Variants in ZRANB3 observed in about 807,000 individuals in gnomAD.
The protein encoded by ZRANB3 is DNA annealing helicase and endonuclease ZRANB3.
In ZRANB3, 125 loss-of-function variants were observed where a neutral mutation model predicts 133.8. That is an observed-to-expected ratio of 0.93 (90% CI 0.81 to 1.08). The LOEUF is 1.08. Among genes scored for constraint, ZRANB3 ranks in the 50% least tolerant of loss-of-function variants. The pLI, the probability that ZRANB3 is intolerant of heterozygous loss-of-function variation, is 0.00. For missense variants in ZRANB3, 1,229 were observed against 1,275.5 expected, an observed-to-expected ratio of 0.96 and a Z score of 0.56; for synonymous variants, 387 against 432.7, an observed-to-expected ratio of 0.89 and a Z score of 1.31.
chr2:135,356,748 C>A (rs1201537804), intron 3 of ZRANB3, among the ~76,000 whole-genome samples: 1 of 152,168 alleles, frequency 6.6e-6, no homozygotes, highest in Non-Finnish European at 1.5e-5. Context: ...TAGGGTCTTG[C>A]TGTGGCTGGA....
chr2:135,298,951 C>T (rs6751267), intron 8 of ZRANB3, among the ~76,000 whole-genome samples: 9,344 of 152,050 alleles, frequency 0.061, 570 homozygotes, highest in African/African-American at 0.16. Flanking sequence ...GGCCTCCAGC[C>T]AGGAGGGGGT....
intron 1 of ZRANB3, among the ~76,000 whole-genome samples, chr2:135,505,210 G>T (rs1020864574): frequency 6.6e-6 from 1 of 151,924 alleles, no homozygotes; most frequent in Non-Finnish European, 1.5e-5. Context: ...ACACTATAAT[G>T]CCTATCAAAT....
rs115342369 is a variant in ZRANB3, at chr2:135,477,931, T to A, written c.161+26398A>T. Among the ~76,000 whole-genome samples, 481 of 152,058 alleles carry A rather than the reference T, an allele frequency of 3.2e-3. 2 individuals carry two copies. Among genetic ancestry groups the A allele is most frequent in the African/African-American group, 0.01 (425 of 41,490 alleles). On this transcript the variant is annotated intron_variant, in intron 2 of 20. Transcript: ENST00000264159. ...TTGAGCCCTAGAGGTGAAGGTTGCATTGAGCCATGATCATGCCACCACACT... is the reference window on the plus strand; with the variant it reads ...TTGAGCCCTAGAGGTGAAGGTTGCAATGAGCCATGATCATGCCACCACACT...
At position 135,345,270 on chromosome 2, in the gene ZRANB3, A is replaced by G. The variant is rs1447005352; in HGVS notation, c.677+280T>C. The G allele has an allele frequency of 2.3e-5, 6 of 260,302 alleles. No homozygotes were observed. In the East Asian group the frequency reaches 4.9e-4, roughly 21 times the overall value. 16.1% of individuals were successfully genotyped at this position (260,302 alleles called of 1,614,324 possible). A position where few individuals can be genotyped will look rare whatever the true frequency, so the allele number is the denominator to read the frequency against. ...AACCTGAGGTCAGGAGTTCAAGACCAGCCTGACCAACATGGTGAAACCCCA... is the reference window on the plus strand; with the variant it reads ...AACCTGAGGTCAGGAGTTCAAGACCGGCCTGACCAACATGGTGAAACCCCA... On this transcript the variant is annotated intron_variant, in intron 6 of 20. Coordinates refer to ENST00000264159, the MANE Select transcript of ZRANB3 (RefSeq NM_032143.4).
At chr2:135,270,839 A>T (rs897721735) in intron 10 of ZRANB3, among the ~76,000 whole-genome samples, 1 of 152,230 alleles carries the variant, frequency 6.6e-6, no homozygotes, top group African/African-American at 2.4e-5. Context: ...CCCTATGTTA[A>T]ATATCCTAGC....
At chr2:135,498,583 G>A (rs545271787) in intron 2 of ZRANB3, among the ~76,000 whole-genome samples, 6 of 152,240 alleles carry the variant, frequency 3.9e-5, no homozygotes, top group South Asian at 2.1e-4. Context: ...GGATAACAGC[G>A]ATGTTCAGGG....
Position 135,200,340 on chromosome 2 carries a change from C to G in ZRANB3, c.*2G>C, listed in dbSNP as rs1693567895. ...TGTCATTCATTCATATATTTTTCTA[C>G]TTTACTTCTTTACCAAAAATCGTGT... On this transcript the variant is annotated 3_prime_UTR_variant, in exon 21 of 21. Coordinates refer to ENST00000264159, the MANE Select transcript of ZRANB3 (RefSeq NM_032143.4). 9 of 1,583,808 alleles carry G rather than the reference C, an allele frequency of 5.7e-6. No homozygotes were observed. Among genetic ancestry groups the G allele is most frequent in the Non-Finnish European group, 7.7e-6 (9 of 1,163,018 alleles).
intron 3 of ZRANB3, among the ~76,000 whole-genome samples, chr2:135,380,193 A>C (rs1179813564): frequency 6.6e-6 from 1 of 152,116 alleles, no homozygotes; most frequent in Non-Finnish European, 1.5e-5. Context: ...AGAGACTTAG[A>C]CTCCCACAAA....
At chr2:135,293,991 G>A (rs1459255020) in intron 8 of ZRANB3, among the ~76,000 whole-genome samples, 16 of 152,036 alleles carry the variant, frequency 1.1e-4, no homozygotes, top group South Asian at 8.3e-4. Flanking sequence ...TGCTGGATTC[G>A]GTTTGCCAGT....
chr2:135,273,050 G>C (rs2105122505), intron 9 of ZRANB3, among the ~76,000 whole-genome samples: 1 of 151,960 alleles, frequency 6.6e-6, no homozygotes, highest in East Asian at 1.9e-4. Context: ...GCTGGACGTG[G>C]TGGCGGGCGC....
At chr2:135,234,260 C>A (rs917079752) in intron 12 of ZRANB3, among the ~76,000 whole-genome samples, 3 of 152,038 alleles carry the variant, frequency 2.0e-5, no homozygotes, top group Admixed American at 6.6e-5. Context: ...TAAATATATA[C>A]GCACCCAATA....
At chr2:135,337,557 T>C (rs993840265) in intron 6 of ZRANB3, among the ~76,000 whole-genome samples, 1 of 152,194 alleles carries the variant, frequency 6.6e-6, no homozygotes, top group Non-Finnish European at 1.5e-5. Context: ...AAAATCATTA[T>C]AGTCATTTCC....
At chr2:135,523,106 C>A (rs1317026426) in intron 1 of ZRANB3, among the ~76,000 whole-genome samples, 1 of 152,202 alleles carries the variant, frequency 6.6e-6, no homozygotes, top group Admixed American at 6.5e-5. Context: ...TGATTTCTCA[C>A]CAAATTTGTG....
At chr2:135,375,868 A>T (rs983903718) in intron 3 of ZRANB3, among the ~76,000 whole-genome samples, 5 of 152,136 alleles carry the variant, frequency 3.3e-5, no homozygotes, top group Admixed American at 1.3e-4. Context: ...AAAAAAAAAA[A>T]ATATTGTCTT....
At chr2:135,256,422 G>A (rs1043048703) in intron 12 of ZRANB3, among the ~76,000 whole-genome samples, 9 of 152,100 alleles carry the variant, frequency 5.9e-5, no homozygotes, top group African/African-American at 1.9e-4. Flanking sequence ...TCTGCCTCCC[G>A]GGTATAGACA....
intron 2 of ZRANB3, among the ~76,000 whole-genome samples, chr2:135,420,039 C>A (rs1688764328): frequency 7.1e-6 from 1 of 140,458 alleles, no homozygotes; most frequent in South Asian, 2.2e-4. Flanking sequence ...TATATATGTA[C>A]CTTTTGTGTA....
At chr2:135,242,404 T>C (rs1033648634) in intron 12 of ZRANB3, among the ~76,000 whole-genome samples, 1 of 151,846 alleles carries the variant, frequency 6.6e-6, no homozygotes, top group African/African-American at 2.4e-5. Context: ...ATGGCTTTAG[T>C]GTGTGTTTCG....
chr2:135,243,860 T>C (rs1216961228), intron 12 of ZRANB3, among the ~76,000 whole-genome samples: 1 of 152,002 alleles, frequency 6.6e-6, no homozygotes, highest in Non-Finnish European at 1.5e-5. Context: ...GCTCAAGCGA[T>C]CCTTCTGCCT....
intron 3 of ZRANB3, among the ~76,000 whole-genome samples, chr2:135,362,213 A>AAGAAT (rs1685726870): frequency 6.6e-6 from 1 of 151,966 alleles, no homozygotes; most frequent in Non-Finnish European, 1.5e-5. Context: ...AAAAAAAAAA[A>AAGAAT]AGAATAGAAT....
Sources: gnomAD v4.1 joint callset for allele counts (sites outside exome capture counted in the v4.1 genomes callset) on GRCh38, gnomAD v4.1.1 for gene constraint, MANE v1.5 for transcripts, NCBI Gene and HGNC (gene_info 2026-07-23, HGNC 2026-07-21) for gene names.